The following ELP4 variants were observed in gnomAD, a reference collection of about 807,000 sequenced individuals.
The protein encoded by ELP4 is elongator acetyltransferase complex subunit 4.
ELP4 carries 51 observed loss-of-function variants against 48.9 expected under a neutral mutation model. The observed-to-expected ratio is 1.04, with a 90% CI of 0.83 to 1.32. ELP4 has a LOEUF of 1.32. ELP4 is among the 40% of genes most tolerant of loss of function. ELP4 has a pLI of 0.00. For missense variants in ELP4, 519 were observed against 514.6 expected, an observed-to-expected ratio of 1.01 and a Z score of -0.08; for synonymous variants, 210 against 189.2, an observed-to-expected ratio of 1.11 and a Z score of -0.90.
chr11:31,698,927 C>T (rs927554860), intron 9 of ELP4, among the ~76,000 whole-genome samples: 1 of 152,150 alleles, frequency 6.6e-6, no homozygotes, highest in East Asian at 1.9e-4. Context: ...TCAAAGCCTG[C>T]TACAGTATAA....
At chr11:31,595,375 C>G (rs1957653555) in intron 4 of ELP4, among the ~76,000 whole-genome samples, 2 of 152,224 alleles carry the variant, frequency 1.3e-5, no homozygotes, top group South Asian at 4.1e-4. Flanking sequence ...ATAAATCTGT[C>G]CAGTAAAACT....
chr11:31,738,741 A>G (rs1039882844), intron 9 of ELP4, among the ~76,000 whole-genome samples: 1 of 136,748 alleles, frequency 7.3e-6, no homozygotes, highest in African/African-American at 2.5e-5. Context: ...ACCTTGTCTC[A>G]AAAAAAAAAA....
At chr11:31,630,476 G>C (rs1012079059) in intron 6 of ELP4, among the ~76,000 whole-genome samples, 1 of 151,432 alleles carries the variant, frequency 6.6e-6, no homozygotes, top group South Asian at 2.1e-4. Flanking sequence ...CTACAGGTGC[G>C]CACCACCACA....
rs185996251 is a variant in ELP4, at chr11:31,789,057, T to C, written c.*5533T>C. On this transcript the variant is annotated 3_prime_UTR_variant, in exon 10 of 10. Coordinates refer to ENST00000640961, the MANE Select transcript of ELP4 (RefSeq NM_019040.5). ...ACTCTTGCAAGCACTTTTAATTGAT[T>C]AGGAATGAACTCTAGATGCACAAAA... 103 of 202,576 alleles carry C rather than the reference T, an allele frequency of 5.1e-4. No homozygotes were observed. Among genetic ancestry groups the C allele is most frequent in the African/African-American group, 2.2e-3 (97 of 43,822 alleles). The allele number at this position is 202,576 out of a possible 1,614,324, so 12.5% of individuals were successfully genotyped here.
At chr11:31,569,408 A>G (rs144685615) in intron 3 of ELP4, among the ~76,000 whole-genome samples, 101 of 152,256 alleles carry the variant, frequency 6.6e-4, no homozygotes, top group Middle Eastern at 3.4e-3. Flanking sequence ...GTAGAAAACA[A>G]CCCCACTGAA....
chr11:31,530,269 G>A (rs1179766678), intron 2 of ELP4, among the ~76,000 whole-genome samples: 1 of 152,166 alleles, frequency 6.6e-6, no homozygotes, highest in Non-Finnish European at 1.5e-5. Flanking sequence ...ATCATTAAAA[G>A]ATGAGAAAAG....
chr11:31,782,226 CT>C (rs560379659), intron 9 of ELP4, among the ~76,000 whole-genome samples: 10 of 152,242 alleles, frequency 6.6e-5, no homozygotes, highest in Non-Finnish European at 1.2e-4. Context: ...AATAAAAAGC[CT>C]TTATTCAAGA....
At chr11:31,637,477 CT>C in intron 7 of ELP4, 1 of 152,044 alleles carries the variant, frequency 6.6e-6, no homozygotes, top group African/African-American at 2.4e-5. Flanking sequence ...ATTATTGCAA[CT>C]TTTAAAAACT....
At chr11:31,721,644 G>A (rs1485715595) in intron 9 of ELP4, among the ~76,000 whole-genome samples, 1 of 151,848 alleles carries the variant, frequency 6.6e-6, no homozygotes, top group African/African-American at 2.4e-5. Context: ...GGGAATTTTG[G>A]GGGTAGCAGA....
intron 5 of ELP4, among the ~76,000 whole-genome samples, chr11:31,613,990 C>T (rs753286696): frequency 6.6e-6 from 1 of 152,104 alleles, no homozygotes; most frequent in Non-Finnish European, 1.5e-5. Context: ...GGATTACAGG[C>T]ATGAGCCACC....
chr11:31,752,411 G>A lies in ELP4; in HGVS notation c.1144-30982G>A, dbSNP rs1947741253. ...ACAAAGAGAATATATTTTTCTTAAT[G>A]ATAAATTTTTGGAAATATTTCTACT... On this transcript the variant is annotated intron_variant, in intron 9 of 9. Coordinates refer to ENST00000640961, the MANE Select transcript of ELP4 (RefSeq NM_019040.5). Among the ~76,000 whole-genome samples the A allele has an allele frequency of 2.6e-5, 4 of 152,116 alleles. No homozygotes were observed. The South Asian group carries it at 8.3e-4, about 31-fold the overall frequency.
At chr11:31,725,240 A>G (rs1046118491) in intron 9 of ELP4, among the ~76,000 whole-genome samples, 1 of 152,208 alleles carries the variant, frequency 6.6e-6, no homozygotes, top group African/African-American at 2.4e-5. Flanking sequence ...GTCAGGGTAC[A>G]GCAATTGTTA....
intron 7 of ELP4, chr11:31,645,702 A>G (rs1945184293): frequency 6.6e-6 from 1 of 151,724 alleles, no homozygotes; most frequent in Non-Finnish European, 1.5e-5. Context: ...GCCTTTATAA[A>G]TGCTTGTTCA....
At chr11:31,756,025 A>T (rs1947826551) in intron 9 of ELP4, among the ~76,000 whole-genome samples, 1 of 152,184 alleles carries the variant, frequency 6.6e-6, no homozygotes, top group South Asian at 2.1e-4. Context: ...ATTTTGAAGG[A>T]GTAAATATTG....
At chr11:31,512,937 A>G (rs565799037) in intron 1 of ELP4, among the ~76,000 whole-genome samples, 272 of 151,902 alleles carry the variant, frequency 1.8e-3, no homozygotes, top group African/African-American at 6.2e-3. Context: ...TGCAGATTTG[A>G]CCTCTGTGCT....
chr11:31,657,862 A>T (rs1478811995), intron 9 of ELP4, among the ~76,000 whole-genome samples: 1 of 152,022 alleles, frequency 6.6e-6, no homozygotes, highest in Non-Finnish European at 1.5e-5. Context: ...TAATTTTAAA[A>T]AAAATAAGTT....
At chr11:31,624,704 C>T (rs761089078) in intron 5 of ELP4, among the ~76,000 whole-genome samples, 58 of 151,818 alleles carry the variant, frequency 3.8e-4, no homozygotes, top group Non-Finnish European at 7.4e-4. Context: ...ACATTTTTGA[C>T]TCTTGTAATA....
intron 3 of ELP4, among the ~76,000 whole-genome samples, chr11:31,581,593 C>A (rs1251258454): frequency 6.6e-6 from 1 of 152,104 alleles, no homozygotes; most frequent in African/African-American, 2.4e-5. Flanking sequence ...TGTATTCCTT[C>A]TTGTTCTAAA....
Position 31,532,797 on chromosome 11 carries a change from G to A in ELP4, c.260-6865G>A, listed in dbSNP as rs1346260179. On this transcript the variant is annotated intron_variant, in intron 2 of 9. Coordinates refer to ENST00000640961, the MANE Select transcript of ELP4 (RefSeq NM_019040.5). ...TTTTTTTTTTTTTTTTTGAAATGGAGTTTTGCTCTCGTTGCCCAGGCTGGA... is the reference window on the plus strand; with the variant it reads ...TTTTTTTTTTTTTTTTTGAAATGGAATTTTGCTCTCGTTGCCCAGGCTGGA... 5.0e-5 allele frequency among the ~76,000 whole-genome samples: 7 copies of A among 139,542 alleles called. No homozygotes were observed. The Admixed American group carries it at 5.1e-4, about 10-fold the overall frequency. 91.5% of individuals were successfully genotyped at this position (139,542 alleles called of 152,430 possible). A position where few individuals can be genotyped will look rare whatever the true frequency, so the allele number is the denominator to read the frequency against.
Sources: gnomAD v4.1 joint callset for allele counts (sites outside exome capture counted in the v4.1 genomes callset) on GRCh38, gnomAD v4.1.1 for gene constraint, MANE v1.5 for transcripts, NCBI Gene and HGNC (gene_info 2026-07-23, HGNC 2026-07-21) for gene names.